The following CNTLN variants were observed in gnomAD, a reference collection of about 807,000 sequenced individuals.
The protein encoded by CNTLN is centlein, centrosomal protein.
In CNTLN, 212 loss-of-function variants were observed where a neutral mutation model predicts 180.0. That is an observed-to-expected ratio of 1.18 (90% CI 1.05 to 1.32). The LOEUF (loss-of-function observed/expected upper bound fraction) is 1.32, where lower values mean the gene tolerates loss of function less well. CNTLN is among the 40% of genes most tolerant of loss of function. CNTLN has a pLI of 0.00. For missense variants in CNTLN, 2,095 were observed against 1,610.9 expected (o/e 1.30, Z -5.14); for synonymous variants, 722 against 563.1 (o/e 1.28, Z -3.99).
Position 17,273,827 on chromosome 9 carries a change from C to T in CNTLN, c.944C>T (p.Thr315Ile), listed in dbSNP as rs1249590915. 3.8e-6 allele frequency: 6 copies of T among 1,570,842 alleles called. No homozygotes were observed. The South Asian group carries it at 6.0e-5, about 16-fold the overall frequency. ...ALSLQLSNKQTELIQKDMDIT... is the reference protein window; with the variant it reads ...ALSLQLSNKQIELIQKDMDIT... ...TCATTACAGTTGAGTAATAAACAGA[C>T]TGAACTTATCCAGAAGGATATGGAT... Residue 315 changes from threonine (T) to isoleucine (I), a missense_variant, in exon 6 of 26, where the codon ACT becomes ATT. Coordinates refer to ENST00000380647, the MANE Select transcript of CNTLN (RefSeq NM_017738.4).
chr9:17,348,511 G>A (rs937813949), intron 12 of CNTLN, among the ~76,000 whole-genome samples: 2 of 150,874 alleles, frequency 1.3e-5, no homozygotes, highest in Admixed American at 1.3e-4. Flanking sequence ...TTCTCACTCT[G>A]CTTTCTTTCT....
intron 6 of CNTLN, among the ~76,000 whole-genome samples, chr9:17,290,140 T>G (rs1007012797): frequency 2.6e-5 from 4 of 152,118 alleles, no homozygotes; most frequent in African/African-American, 7.2e-5. Flanking sequence ...CTTTGTGGTT[T>G]TATCTACTTT....
intron 12 of CNTLN, among the ~76,000 whole-genome samples, chr9:17,359,723 T>TACAAAAAAAAAAAACAAAAAA (rs1823158266): frequency 5.7e-5 from 1 of 17,640 alleles, no homozygotes; most frequent in African/African-American, 1.9e-4. Context: ...ATACTAAAAA[T>TACAAAAAAAAAAAACAAAAAA]ACAAAAAAAA....
At chr9:17,226,338 T>C (rs2132084715) in intron 3 of CNTLN, 51 bp downstream of exon 3, 1 of 979,500 alleles carries the variant, frequency 1.0e-6, no homozygotes, top group South Asian at 1.9e-5. Context: ...TTTTGGGTAG[T>C]AGATCTTCAA....
At chr9:17,243,327 C>A (rs1353358568) in intron 5 of CNTLN, among the ~76,000 whole-genome samples, 3 of 151,978 alleles carry the variant, frequency 2.0e-5, no homozygotes, top group African/African-American at 7.2e-5. Context: ...TTGATTTCTG[C>A]TCTGATCTTT....
At chr9:17,486,396 G>A (rs1024507184) in intron 24 of CNTLN, among the ~76,000 whole-genome samples, 8 of 151,924 alleles carry the variant, frequency 5.3e-5, no homozygotes, top group Admixed American at 3.3e-4. Context: ...TCAACTGTAC[G>A]TGTGAATACA....
chr9:17,456,823 A>G (rs931962350), intron 18 of CNTLN, among the ~76,000 whole-genome samples: 1 of 152,150 alleles, frequency 6.6e-6, no homozygotes, highest in African/African-American at 2.4e-5. Flanking sequence ...TGAATGAGAA[A>G]GGCTAACGTT....
At chr9:17,464,354 G>A in intron 20 of CNTLN, 143 bp from the exon 21 acceptor site, 1 of 614,466 alleles carries the variant, frequency 1.6e-6, no homozygotes, top group Non-Finnish European at 2.8e-6. Flanking sequence ...CTTATGCAGT[G>A]CAATTCATTT....
At chr9:17,216,991 G>T (rs138167549) in intron 2 of CNTLN, among the ~76,000 whole-genome samples, 5 of 152,358 alleles carry the variant, frequency 3.3e-5, no homozygotes, top group African/African-American at 1.2e-4. Context: ...AGGCAGGGAT[G>T]TGGATGGATG....
At chr9:17,171,219 T>C (rs746544313) in intron 2 of CNTLN, among the ~76,000 whole-genome samples, 3 of 152,174 alleles carry the variant, frequency 2.0e-5, no homozygotes, top group Non-Finnish European at 4.4e-5. Context: ...TTTGGTGGCA[T>C]CTTGTTTTTG....
At chr9:17,206,817 A>G (rs1822956124) in intron 2 of CNTLN, among the ~76,000 whole-genome samples, 1 of 152,228 alleles carries the variant, frequency 6.6e-6, no homozygotes, top group African/African-American at 2.4e-5. Context: ...ATCTATTCCT[A>G]TATGTTAGTC....
At chr9:17,264,100 A>G (rs984960006) in intron 5 of CNTLN, among the ~76,000 whole-genome samples, 1 of 144,554 alleles carries the variant, frequency 6.9e-6, no homozygotes, top group Non-Finnish European at 1.5e-5. Context: ...TTGTTGTTTC[A>G]GACATGAAGT....
chr9:17,258,373 T>G lies in CNTLN; in HGVS notation c.850-15360T>G, dbSNP rs1362798972. ...GGTACCAGTACCATGCTGTTTTGGTTACTGTAGCCTTGTAGTATAGTTTGA... is the reference window on the plus strand; with the variant it reads ...GGTACCAGTACCATGCTGTTTTGGTGACTGTAGCCTTGTAGTATAGTTTGA... On this transcript the variant is annotated intron_variant, in intron 5 of 25. Transcript: ENST00000380647. Among the ~76,000 whole-genome samples, 459 of 150,886 alleles carry G rather than the reference T, an allele frequency of 3.0e-3. 14 individuals are homozygous for G. The highest frequency in any genetic ancestry group is 0.011 in the African/African-American group (436 of 40,448).
intron 6 of CNTLN, among the ~76,000 whole-genome samples, 156 bp from the exon 7 acceptor site, chr9:17,298,034 T>A (rs1417594800): frequency 2.6e-5 from 4 of 152,240 alleles, no homozygotes; most frequent in Admixed American, 1.3e-4. Context: ...TGATAAATAT[T>A]AAATATGTCA....
chr9:17,368,920 G>T (rs1824072930), intron 13 of CNTLN, among the ~76,000 whole-genome samples: 1 of 152,008 alleles, frequency 6.6e-6, no homozygotes, highest in Admixed American at 6.5e-5. Context: ...AAGAAGATTG[G>T]GTACAAACAA....
chr9:17,319,663 A>G (rs964176302), intron 8 of CNTLN, among the ~76,000 whole-genome samples: 1 of 152,204 alleles, frequency 6.6e-6, no homozygotes, highest in African/African-American at 2.4e-5. Context: ...TAAAATGGGT[A>G]TTATAATAGT....
At chr9:17,332,485 G>T in intron 9 of CNTLN, 120 bp from the exon 10 acceptor site, 1 of 624,720 alleles carries the variant, frequency 1.6e-6, no homozygotes, top group Non-Finnish European at 2.4e-6. Context: ...TTCCATGCAG[G>T]ATTTTTTTTT....
At chr9:17,505,170 G>T (rs537791567), downstream of CNTLN, among the ~76,000 whole-genome samples, 9 of 151,862 alleles carry the variant, frequency 5.9e-5, no homozygotes, top group African/African-American at 2.2e-4. Flanking sequence ...CTATAAATAG[G>T]AACTTCTCAA....
intron 5 of CNTLN, among the ~76,000 whole-genome samples, chr9:17,258,734 C>T (rs928821287): frequency 2.7e-5 from 4 of 145,538 alleles, no homozygotes; most frequent in African/African-American, 8.0e-5. Context: ...CTCTTTGAAG[C>T]AGTTGTGAAT....
Sources: allele counts gnomAD v4.1 joint callset (sites outside exome capture counted in the v4.1 genomes callset), GRCh38; gene constraint gnomAD v4.1.1; transcripts MANE v1.5; gene names NCBI Gene and HGNC (gene_info 2026-07-23, HGNC 2026-07-21).